DGKI: variants seen among roughly 807,000 people sequenced by gnomAD.
DGKI encodes the protein diacylglycerol kinase iota, also known as DAG kinase iota.
Under a neutral mutation model 147.5 loss-of-function variants are expected in DGKI, and 55 were observed. The ratio of observed to expected loss-of-function variants is 0.37; its 90% CI spans 0.30 to 0.47. DGKI has a LOEUF of 0.47. DGKI is among the 20% of genes least tolerant of loss of function. The pLI is 1.00. For synonymous variants in DGKI, 469 were observed against 477.1 expected (o/e 0.98, Z 0.22); for missense variants, 1,007 against 1,323.8 (o/e 0.76, Z 3.71).
chr7:137,545,353 A>G (rs1817829699), intron 20 of DGKI, among the ~76,000 whole-genome samples: 1 of 152,208 alleles, frequency 6.6e-6, no homozygotes, highest in Admixed American at 6.5e-5. Flanking sequence ...TGTTCTCACT[A>G]GAAAAAAATA....
rs537720665 is a variant in DGKI, at chr7:137,484,738, C to T, written c.2373+636G>A. Among the ~76,000 whole-genome samples the T allele has an allele frequency of 1.9e-3, 283 of 152,140 alleles. 3 individuals carry two copies. Among genetic ancestry groups the T allele is most frequent in the African/African-American group, 6.6e-3 (272 of 41,522 alleles). On this transcript the variant is annotated intron_variant, in intron 23 of 32. Transcript: ENST00000614521. ...GGGATAAAGAATAACTGAGTGTTCT[C>T]CTACAGACTTTATATGGGCCATAGA...
At position 137,384,665 on chromosome 7, in the gene DGKI, C is replaced by T. The variant is rs1179849313; in HGVS notation, c.*6555G>A. On this transcript the variant is annotated 3_prime_UTR_variant, in exon 33 of 33. Coordinates refer to ENST00000614521, the MANE Select transcript of DGKI (RefSeq NM_001321708.2). Reference sequence around the variant, plus strand: ...GGGTTGTTTTGAACCCCAACTGAAGCTCAAACATGTCAATACATCATAACG... The same window carrying T: ...GGGTTGTTTTGAACCCCAACTGAAGTTCAAACATGTCAATACATCATAACG... 6.6e-6 allele frequency: 1 copy of T among 152,030 alleles called. No homozygotes were observed. Among genetic ancestry groups the T allele is most frequent in the Non-Finnish European group, 1.5e-5 (1 of 67,980 alleles). 9.4% of individuals were successfully genotyped at this position (152,030 alleles called of 1,614,324 possible). A position where few individuals can be genotyped will look rare whatever the true frequency, so the allele number is the denominator to read the frequency against.
chr7:137,606,729 A>C (rs963487602), intron 10 of DGKI, among the ~76,000 whole-genome samples: 1 of 152,228 alleles, frequency 6.6e-6, no homozygotes, highest in African/African-American at 2.4e-5. Context: ...CTTCAACCTG[A>C]AGTATCCTGT....
In DGKI at chr7:137,517,006, G is replaced by A. The variant is rs1220241384; in HGVS notation, c.2248+4860C>T. ...CAAATGATCAGGTTAACATCACCAG[G>A]GATGTCATGTGTATATCACATAAGT... On this transcript the variant is annotated intron_variant, in intron 21 of 32. Transcript: ENST00000614521. 2.6e-5 allele frequency among the ~76,000 whole-genome samples: 4 copies of A among 151,616 alleles called. No homozygotes were observed. The East Asian group carries it at 7.8e-4, about 29-fold the overall frequency.
chr7:137,697,645 A>C (rs2116491978), intron 1 of DGKI, among the ~76,000 whole-genome samples: 1 of 152,294 alleles, frequency 6.6e-6, no homozygotes, highest in East Asian at 1.9e-4. Context: ...CAGAAATATA[A>C]ACTATCAGCA....
chr7:137,441,495 T>A (rs1813506627), intron 28 of DGKI, among the ~76,000 whole-genome samples: 1 of 150,096 alleles, frequency 6.7e-6, no homozygotes, highest in African/African-American at 2.5e-5. Flanking sequence ...TACAATCCCA[T>A]GAGGTACGCA....
At chr7:137,682,788 CATG>C (rs1823284592) in intron 2 of DGKI, among the ~76,000 whole-genome samples, 1 of 152,192 alleles carries the variant, frequency 6.6e-6, no homozygotes, top group Admixed American at 6.5e-5. Context: ...TACATTCCTC[CATG>C]ATTTTTTGTC....
chr7:137,493,656 C>T (rs1815853887), intron 21 of DGKI: 1 of 677,812 alleles, frequency 1.5e-6, no homozygotes, highest in Non-Finnish European at 2.6e-6. Flanking sequence ...AAAATGAAAG[C>T]AAACAAAAAC....
chr7:137,500,423 C>T (rs925431578), intron 21 of DGKI, among the ~76,000 whole-genome samples: 4 of 152,260 alleles, frequency 2.6e-5, no homozygotes, highest in Admixed American at 6.5e-5. Flanking sequence ...ACTACTTGAA[C>T]TTATTATGCA....
chr7:137,397,267 T>C (rs1811587061), intron 31 of DGKI, 110 bp downstream of exon 31: 1 of 1,040,382 alleles, frequency 9.6e-7, no homozygotes, highest in East Asian at 2.5e-5. Context: ...AAGTGGACTT[T>C]GAATTAATTA....
chr7:137,535,667 A>G (rs1035584021), intron 20 of DGKI, among the ~76,000 whole-genome samples: 9 of 152,156 alleles, frequency 5.9e-5, no homozygotes, highest in African/African-American at 2.2e-4. Context: ...GCTGAGTGGT[A>G]AGACTATTTC....
At chr7:137,816,639 C>G (rs148257746) in intron 1 of DGKI, among the ~76,000 whole-genome samples, 2,286 of 152,038 alleles carry the variant, frequency 0.015, 62 homozygotes, top group African/African-American at 0.05. Context: ...AGAGGAGAGA[C>G]AGATAATAAA....
intron 28 of DGKI, among the ~76,000 whole-genome samples, chr7:137,433,309 A>G (rs944935672): frequency 1.3e-4 from 20 of 152,208 alleles, no homozygotes; most frequent in Non-Finnish European, 2.4e-4. Context: ...AAACAGTGAC[A>G]ACACATTCTA....
chr7:137,660,569 G>A (rs1822388429), intron 3 of DGKI, among the ~76,000 whole-genome samples: 1 of 152,182 alleles, frequency 6.6e-6, no homozygotes, highest in Non-Finnish European at 1.5e-5. Context: ...GAGGACAGAG[G>A]CATCAGTGGC....
intron 1 of DGKI, among the ~76,000 whole-genome samples, chr7:137,791,471 A>T (rs1585497851): frequency 6.6e-6 from 1 of 152,210 alleles, no homozygotes; most frequent in East Asian, 1.9e-4. Flanking sequence ...AGGCAAGCCA[A>T]CTTTAAATAA....
intron 6 of DGKI, among the ~76,000 whole-genome samples, chr7:137,629,270 T>C (rs1017114198): frequency 2.6e-5 from 4 of 152,126 alleles, no homozygotes; most frequent in Non-Finnish European, 5.9e-5. Context: ...ATCTCTAAAA[T>C]GTTTATCATA....
chr7:137,759,556 C>T (rs937096483), intron 1 of DGKI, among the ~76,000 whole-genome samples: 30 of 151,846 alleles, frequency 2.0e-4, no homozygotes, highest in Admixed American at 9.2e-4. Flanking sequence ...TGGCCAGGCT[C>T]GTCTCGAACT....
At chr7:137,680,968 G>A (rs1305546333) in intron 2 of DGKI, among the ~76,000 whole-genome samples, 1 of 152,156 alleles carries the variant, frequency 6.6e-6, no homozygotes, top group Non-Finnish European at 1.5e-5. Context: ...TGTGACATGT[G>A]ATGTAGGTGC....
intron 28 of DGKI, among the ~76,000 whole-genome samples, chr7:137,419,355 C>A (rs1673407984): frequency 6.6e-6 from 1 of 152,216 alleles, no homozygotes; most frequent in African/African-American, 2.4e-5. Context: ...TTTATTCAAT[C>A]CGTTACTTCT....
Sources: allele counts gnomAD v4.1 joint callset (sites outside exome capture counted in the v4.1 genomes callset), GRCh38; gene constraint gnomAD v4.1.1; transcripts MANE v1.5; gene names NCBI Gene and HGNC (gene_info 2026-07-23, HGNC 2026-07-21).